The following EML6 variants were observed in gnomAD, a reference collection of about 807,000 sequenced individuals.
EML6 encodes the protein EMAP like 6, also known as echinoderm microtubule-associated protein-like 6.
EML6 carries 154 observed loss-of-function variants against 240.1 expected under a neutral mutation model. The ratio of observed to expected loss-of-function variants is 0.64; its 90% CI spans 0.56 to 0.73. The LOEUF (loss-of-function observed/expected upper bound fraction) is 0.73, where lower values mean the gene tolerates loss of function less well. Ranked by LOEUF, EML6 falls within the 30% of genes least tolerant of loss-of-function variation. EML6 has a pLI of 0.00. For synonymous variants in EML6, 1,148 were observed against 899.0 expected (o/e 1.28, Z -4.95); for missense variants, 2,964 against 2,474.6 (o/e 1.20, Z -4.20).
intron 30 of EML6, 43 bp from the exon 31 acceptor site, chr2:54,952,551 T>C: frequency 1.5e-6 from 2 of 1,371,504 alleles, no homozygotes; most frequent in Non-Finnish European, 2.0e-6. Flanking sequence ...CTAAAAGGTC[T>C]TTAGGTTCCA....
intron 2 of EML6, among the ~76,000 whole-genome samples, chr2:54,734,232 A>G (rs1163760297): frequency 1.3e-5 from 2 of 152,160 alleles, no homozygotes; most frequent in South Asian, 2.1e-4. Context: ...CAGCTACTCA[A>G]GAGGCTGAGA....
chr2:54,884,519 G>A (rs968979956), intron 17 of EML6, among the ~76,000 whole-genome samples: 12 of 152,166 alleles, frequency 7.9e-5, no homozygotes, highest in African/African-American at 2.7e-4. Flanking sequence ...TGGTCTTTCT[G>A]GTGACCCATC....
At chr2:54,830,414 G>A (rs574497052) in intron 7 of EML6, among the ~76,000 whole-genome samples, 1 of 152,262 alleles carries the variant, frequency 6.6e-6, no homozygotes, top group South Asian at 2.1e-4. Context: ...TTGTGAAGGG[G>A]AATCTTTTTC....
intron 30 of EML6, among the ~76,000 whole-genome samples, chr2:54,952,180 A>G (rs1368231693): frequency 6.6e-6 from 1 of 152,124 alleles, no homozygotes; most frequent in Non-Finnish European, 1.5e-5. Context: ...TTGCTCAGTA[A>G]AGCATCATCT....
chr2:54,759,330 A>AT (rs1283018521), intron 2 of EML6, among the ~76,000 whole-genome samples: 1 of 151,360 alleles, frequency 6.6e-6, no homozygotes, highest in Non-Finnish European at 1.5e-5. Flanking sequence ...TGTCCAAAGA[A>AT]TTTTTTTTAT....
intron 19 of EML6, among the ~76,000 whole-genome samples, chr2:54,893,237 C>T (rs1184037828): frequency 6.6e-6 from 1 of 152,150 alleles, no homozygotes; most frequent in Non-Finnish European, 1.5e-5. Context: ...CTTACCTTCT[C>T]TCAGTCTGTT....
chr2:54,810,605 C>T (rs1465086021), intron 2 of EML6, among the ~76,000 whole-genome samples: 4 of 152,154 alleles, frequency 2.6e-5, no homozygotes, highest in Non-Finnish European at 5.9e-5. Context: ...TCTGGCCTTC[C>T]AGGGGAAATA....
chr2:54,968,556 G>A (rs1459093303), intron 40 of EML6, 112 bp from the exon 41 acceptor site: 3 of 729,216 alleles, frequency 4.1e-6, no homozygotes, highest in South Asian at 3.4e-5. Context: ...CCAAATGGAA[G>A]TCCCCAGTGA....
intron 35 of EML6, among the ~76,000 whole-genome samples, chr2:54,961,184 G>GTTGGTTTTTTTTTTTTTT: frequency 1.8e-5 from 1 of 55,424 alleles, no homozygotes; most frequent in Non-Finnish European, 3.2e-5. Context: ...TCAGGAAGTA[G>GTTGGTTTTTTTTTTTTTT]TTTTTTTTTT....
chr2:54,869,577 C>G (rs962741834), intron 15 of EML6, among the ~76,000 whole-genome samples: 3 of 152,074 alleles, frequency 2.0e-5, no homozygotes, highest in Non-Finnish European at 4.4e-5. Flanking sequence ...AGTTCTTTTC[C>G]TGGAATGATG....
chr2:54,926,924 G>C (rs1674579197), intron 26 of EML6, among the ~76,000 whole-genome samples: 1 of 152,056 alleles, frequency 6.6e-6, no homozygotes, highest in Non-Finnish European at 1.5e-5. Flanking sequence ...GTGTAGAGAG[G>C]CATTTCTCAT....
At chr2:54,790,172 A>G (rs1669353557) in intron 2 of EML6, among the ~76,000 whole-genome samples, 1 of 152,208 alleles carries the variant, frequency 6.6e-6, no homozygotes. Context: ...TATAAGAGAG[A>G]TTGAATAGTG....
At chr2:54,897,576 C>T (rs183031241) in intron 21 of EML6, among the ~76,000 whole-genome samples, 101 of 152,314 alleles carry the variant, frequency 6.6e-4, no homozygotes, top group Admixed American at 2.3e-3. Flanking sequence ...CCCCACATCT[C>T]TTAGCTTGGA....
chr2:54,870,696 T>G (rs1671212656), intron 15 of EML6, among the ~76,000 whole-genome samples: 1 of 152,214 alleles, frequency 6.6e-6, no homozygotes, highest in African/African-American at 2.4e-5. Context: ...GAGGTGTTTT[T>G]TTTTTACATA....
chr2:54,930,844 C>T lies in EML6; in HGVS notation c.4004+2093C>T, dbSNP rs901865857. The stretch of plus-strand genomic sequence containing the variant: ...GAGCAATAAATGATGGCCAACTTAG[C>T]AGTCTCCATGGGGGCAAATCACAAT... On this transcript the variant is annotated intron_variant, in intron 28 of 41. Transcript: ENST00000356458. Among the ~76,000 whole-genome samples, 7 of 151,930 alleles carry T rather than the reference C, an allele frequency of 4.6e-5. No individual in the cohort carries two copies. The South Asian group carries it at 1.5e-3, about 32-fold the overall frequency.
At chr2:54,962,092 T>C (rs1676546130) in intron 35 of EML6, among the ~76,000 whole-genome samples, 1 of 149,850 alleles carries the variant, frequency 6.7e-6, no homozygotes. Context: ...TGTTTTTTTT[T>C]TTTTTTTAAA....
At chr2:54,899,524 T>A in intron 21 of EML6, 117 bp from the exon 22 acceptor site, 1 of 1,024,336 alleles carries the variant, frequency 9.8e-7, no homozygotes, top group African/African-American at 1.6e-5. Context: ...AAAGTGTGTT[T>A]ATTCCTATTT....
At chr2:54,789,302 A>G (rs1279174136) in intron 2 of EML6, among the ~76,000 whole-genome samples, 1 of 152,020 alleles carries the variant, frequency 6.6e-6, no homozygotes, top group East Asian at 1.9e-4. Flanking sequence ...TCACGAGGTC[A>G]GGAGATCGAG....
chr2:54,771,429 C>T (rs1668397230), intron 2 of EML6, among the ~76,000 whole-genome samples: 1 of 152,230 alleles, frequency 6.6e-6, no homozygotes, highest in Non-Finnish European at 1.5e-5. Context: ...TATTCAAAAG[C>T]CAATCTTTAA....
Sources: gnomAD v4.1 joint callset for allele counts (sites outside exome capture counted in the v4.1 genomes callset) on GRCh38, gnomAD v4.1.1 for gene constraint, MANE v1.5 for transcripts, NCBI Gene and HGNC (gene_info 2026-07-23, HGNC 2026-07-21) for gene names.